Variants in RUFY4 observed in about 807,000 individuals in gnomAD.
The protein encoded by RUFY4 is RUN and FYVE domain containing 4, also known as RUN and FYVE domain-containing protein 4.
In RUFY4, 73 loss-of-function variants were observed where a neutral mutation model predicts 69.0. The observed-to-expected ratio is 1.06, with a 90% CI of 0.88 to 1.29. The LOEUF (loss-of-function observed/expected upper bound fraction) is 1.29, where lower values mean the gene tolerates loss of function less well. Among genes scored for constraint, RUFY4 ranks in the 50% most tolerant of loss-of-function variants. The probability of loss-of-function intolerance (pLI) is 0.00; values close to 1 mark genes in which losing one functional copy is unlikely to be tolerated. For synonymous variants in RUFY4, 287 were observed against 271.8 expected, an observed-to-expected ratio of 1.06 and a Z score of -0.55; for missense variants, 770 against 705.6, an observed-to-expected ratio of 1.09 and a Z score of -1.03.
chr2:218,060,250 G>C (rs1319736701), intron 3 of RUFY4: 1 of 1,262,892 alleles, frequency 7.9e-7, no homozygotes, highest in East Asian at 2.4e-5. Context: ...CTGACACTGA[G>C]ACCAAGAAGA....
chr2:218,083,367 AC>A lies in RUFY4; in HGVS notation c.1502+113del, dbSNP rs971020368. The A allele has an allele frequency of 1.1e-5, 15 of 1,371,648 alleles. No homozygotes were observed. In the Admixed American group the frequency reaches 3.7e-4, roughly 34 times the overall value. 85.0% of individuals were successfully genotyped at this position (1,371,648 alleles called of 1,614,324 possible). ...TCACAACTCCCAAGCAGGGTTCTAG[AC>A]CTTTTATATAAGCTAACCCTTCTGT... On this transcript the variant is annotated intron_variant, in intron 9 of 10. Transcript: ENST00000344321.
chr2:218,071,615 C>T (rs561277767), intron 2 of RUFY4, among the ~76,000 whole-genome samples: 4 of 152,154 alleles, frequency 2.6e-5, no homozygotes, highest in South Asian at 2.1e-4. Context: ...TACCCCAGGT[C>T]GGCCCGAGGG....
intron 1 of RUFY4, chr2:218,035,260 C>G (rs1958956151): frequency 6.6e-6 from 1 of 152,138 alleles, no homozygotes; most frequent in Non-Finnish European, 1.5e-5. Context: ...AGGAAAATGC[C>G]TGGCAGAGAC....
chr2:218,050,127 T>C (rs943215336), intron 2 of RUFY4, among the ~76,000 whole-genome samples: 9 of 152,208 alleles, frequency 5.9e-5, no homozygotes, highest in African/African-American at 2.2e-4. Context: ...AAGCCACCCA[T>C]GGACCAGTCA....
At position 218,074,945 on chromosome 2, in the gene RUFY4, G is replaced by A. The variant is rs1689587153; in HGVS notation, c.601-148G>A. The A allele has an allele frequency of 8.1e-6, 7 of 860,912 alleles. No homozygotes were observed. The Admixed American group carries it at 2.1e-4, about 26-fold the overall frequency. The allele number at this position is 860,912 out of a possible 1,614,324, so 53.3% of individuals were successfully genotyped here. On this transcript the variant is annotated intron_variant, in intron 6 of 10. Coordinates refer to ENST00000344321, the Ensembl canonical transcript of RUFY4. ...TGGGTGTTGCTAAAAGTCAGATTTG[G>A]GGTTTGATAAATCAAAGCTTCCAGT...
chr2:218,046,370 C>T lies in RUFY4; in HGVS notation c.-1158+10976C>T, dbSNP rs369170968. On this transcript the variant is annotated intron_variant and NMD_transcript_variant, in intron 2 of 13. Transcript: ENST00000457754. ...TACTCCCCCTGCCACCTGCCCTTCC[C>T]AGCCTCTAGTAACCTCTCTTCTACT... Among the ~76,000 whole-genome samples the T allele has an allele frequency of 1.6e-4, 24 of 152,068 alleles. 1 individual carries two copies. The highest frequency in any genetic ancestry group is 1.3e-3 in the East Asian group (7 of 5,188).
intron 2 of RUFY4, among the ~76,000 whole-genome samples, chr2:218,058,312 T>C (rs555343266): frequency 6.6e-6 from 1 of 152,314 alleles, no homozygotes; most frequent in South Asian, 2.1e-4. Context: ...GCATACATAC[T>C]ACAAGTTAAG....
upstream of RUFY4, chr2:218,069,591 T>G (rs55952057): frequency 9.9e-5 from 15 of 152,028 alleles, no homozygotes; most frequent in South Asian, 1.0e-3. Context: ...CACAGTGAGT[T>G]CATAGCCAGG....
At chr2:218,089,921 C>T (rs766734494) in intron 10 of RUFY4, 31 bp from the exon 13 acceptor site, 30 of 1,502,054 alleles carry the variant, frequency 2.0e-5, no homozygotes, top group African/African-American at 4.2e-5. Context: ...CTGCAGAGGC[C>T]GCCCCAGGCT....
chr2:218,074,953 T>C, intron 6 of RUFY4, 140 bp from the exon 9 acceptor site: 1 of 951,642 alleles, frequency 1.1e-6, no homozygotes, highest in Non-Finnish European at 1.5e-6. Context: ...TGGGGTTTGA[T>C]AAATCAAAGC....
chr2:218,068,226 T>G (rs1219744967), upstream of RUFY4, among the ~76,000 whole-genome samples: 2 of 142,652 alleles, frequency 1.4e-5, no homozygotes, highest in Admixed American at 6.9e-5. Flanking sequence ...GGCAGGGGGT[T>G]AGAGGAGGGC....
intron 2 of RUFY4, among the ~76,000 whole-genome samples, chr2:218,049,735 T>C (rs1299045993): frequency 6.6e-6 from 1 of 152,176 alleles, no homozygotes; most frequent in African/African-American, 2.4e-5. Flanking sequence ...CTTGAACTCC[T>C]GACCTCAGGT....
intron 2 of RUFY4, among the ~76,000 whole-genome samples, chr2:218,054,813 A>G (rs1689024662): frequency 6.6e-6 from 1 of 152,206 alleles, no homozygotes; most frequent in Admixed American, 6.5e-5. Context: ...CAATTTGGTG[A>G]GGCAAATTTT....
At chr2:218,046,341 T>C (rs1477467789) in intron 2 of RUFY4, among the ~76,000 whole-genome samples, 1 of 151,938 alleles carries the variant, frequency 6.6e-6, no homozygotes, top group Non-Finnish European at 1.5e-5. Context: ...GTGTAGTCTC[T>C]CACTACTCCC....
intron 2 of RUFY4, among the ~76,000 whole-genome samples, chr2:218,039,572 T>C (rs942388024): frequency 6.6e-6 from 1 of 152,156 alleles, no homozygotes; most frequent in African/African-American, 2.4e-5. Flanking sequence ...CATGTTATAA[T>C]GGAGAATTGA....
rs765619517 is a variant in RUFY4, at chr2:218,089,945, C to T, written c.1614-7C>T. ...CCGCCCCAGGCTTTCCTGCCTCTGC[C>T]TTCCAGGCTCTGTGGAGGCCTGCTC... is the stretch of plus-strand genomic sequence containing the variant. On this transcript the variant is annotated splice_region_variant and splice_polypyrimidine_tract_variant and intron_variant, in intron 10 of 10. Coordinates refer to ENST00000344321, the Ensembl canonical transcript of RUFY4. The T allele has an allele frequency of 7.1e-6, 11 of 1,553,900 alleles. No homozygotes were observed. The highest frequency in any genetic ancestry group is 1.4e-5 in the African/African-American group (1 of 73,244).
intron 2 of RUFY4, among the ~76,000 whole-genome samples, chr2:218,037,319 C>CAAAA (rs59819809): frequency 1.7e-4 from 25 of 145,226 alleles, no homozygotes; most frequent in African/African-American, 6.3e-4. Flanking sequence ...AACTCAGTCT[C>CAAAA]AAAAAAAAAA....
At chr2:218,060,493 T>C (rs1426830870) in intron 3 of RUFY4, 4 of 1,317,296 alleles carry the variant, frequency 3.0e-6, no homozygotes, top group Non-Finnish European at 4.4e-6. Flanking sequence ...GATGAGGGGA[T>C]TGAGGTAGCT....
upstream of RUFY4, chr2:218,065,724 T>C (rs1689308218): frequency 6.6e-6 from 1 of 152,386 alleles, no homozygotes; most frequent in Non-Finnish European, 1.5e-5. Flanking sequence ...AGCAGAGGGC[T>C]CTACTAGTGG....
Sources: gnomAD v4.1 joint callset for allele counts (sites outside exome capture counted in the v4.1 genomes callset) on GRCh38, gnomAD v4.1.1 for gene constraint, MANE v1.5 for transcripts, NCBI Gene and HGNC (gene_info 2026-07-23, HGNC 2026-07-21) for gene names.